TFEC: variants seen among roughly 807,000 people sequenced by gnomAD.
TFEC encodes the protein class E basic helix-loop-helix protein 34.
A neutral mutation model predicts 41.6 loss-of-function variants in TFEC; 31 were observed. That is an observed-to-expected ratio of 0.74 (90% confidence interval 0.56 to 1.01). The LOEUF is 1.01. TFEC is among the 50% of genes least tolerant of loss of function. TFEC has a pLI of 0.00. For missense variants in TFEC, 402 were observed against 404.1 expected (o/e 0.99, Z 0.04); for synonymous variants, 143 against 140.6 (o/e 1.02, Z -0.12).
At chr7:116,010,862 T>C (rs2130813162) in intron 1 of TFEC, among the ~76,000 whole-genome samples, 1 of 152,318 alleles carries the variant, frequency 6.6e-6, no homozygotes, top group South Asian at 2.1e-4. Flanking sequence ...TAATTATTAG[T>C]TTGCCCTATT....
intron 1 of TFEC, among the ~76,000 whole-genome samples, chr7:116,002,431 G>A (rs1794633396): frequency 6.6e-6 from 1 of 152,150 alleles, no homozygotes; most frequent in African/African-American, 2.4e-5. Context: ...GGCACAGAAA[G>A]ACAATCTTCA....
Position 115,940,663 on chromosome 7 carries a change from T to C in TFEC, c.932A>G (p.Asp311Gly), listed in dbSNP as rs752777947. The change falls in exon 8 of 8, where the codon GAC becomes GGC. Residue 311 changes from aspartate to glycine, a missense_variant. Asp to Gly is a moderately conservative substitution (Grantham distance 94). Coordinates refer to ENST00000265440, the MANE Select transcript of TFEC (RefSeq NM_012252.4). ...EQRLDGMLLD[D>G]TISPFGTDPL... ...ATCTGTTCCAAATGGAGAGATTGTG[T>C]CATCCAATAGCATGCCATCCAATCT... 6.2e-7 allele frequency: 1 copy of C among 1,613,610 alleles called. No individual in the cohort carries two copies.
rs537271225 is a variant in TFEC at position 115,960,140 on chromosome 7, C to T, written c.268-3347G>A. On this transcript the variant is annotated intron_variant, in intron 3 of 7. Coordinates refer to ENST00000265440, the MANE Select transcript of TFEC (RefSeq NM_012252.4). ...TATACAATAATAAAGAGAAAAAAAT[C>T]TAAAAGCCTAGAAAGAAAGATTGTG... 4.0e-4 allele frequency among the ~76,000 whole-genome samples: 60 copies of T among 151,042 alleles called. 1 individual carries two copies. The highest frequency in any genetic ancestry group is 8.4e-4 in the South Asian group (4 of 4,776).
At chr7:115,944,052 T>C (rs1043921879) in intron 6 of TFEC, among the ~76,000 whole-genome samples, 5 of 140,294 alleles carry the variant, frequency 3.6e-5, no homozygotes, top group Admixed American at 7.3e-5. Context: ...CTTCAACATT[T>C]TGTGACTCCT....
intron 2 of TFEC, among the ~76,000 whole-genome samples, chr7:115,978,171 A>C (rs1793469413): frequency 6.6e-6 from 1 of 152,146 alleles, no homozygotes; most frequent in African/African-American, 2.4e-5. Flanking sequence ...CTTAAAAGTA[A>C]ACAACAGAAA....
chr7:116,111,756 G>GT (rs923388829), intron 2 of TFEC, among the ~76,000 whole-genome samples: 3 of 151,950 alleles, frequency 2.0e-5, no homozygotes, highest in Non-Finnish European at 4.4e-5. Flanking sequence ...CCCATATTAG[G>GT]TAAGACATTA....
chr7:115,961,721 G>A (rs977334753), intron 3 of TFEC, among the ~76,000 whole-genome samples: 1 of 151,624 alleles, frequency 6.6e-6, no homozygotes, highest in African/African-American at 2.4e-5. Context: ...AGATTTAAAA[G>A]GTAAAAAGTT....
upstream of TFEC, among the ~76,000 whole-genome samples, chr7:116,034,929 A>G (rs1382979697): frequency 3.3e-5 from 5 of 151,776 alleles, no homozygotes; most frequent in African/African-American, 7.3e-5. Flanking sequence ...AAATTCCACC[A>G]TTCTCTTGTC....
chr7:116,077,377 G>A (rs1049196605), intron 3 of TFEC, among the ~76,000 whole-genome samples: 2 of 151,874 alleles, frequency 1.3e-5, no homozygotes, highest in African/African-American at 4.8e-5. Flanking sequence ...AATAAACCAG[G>A]TATTGAGGCA....
intron 1 of TFEC, among the ~76,000 whole-genome samples, chr7:116,023,301 T>G (rs554515463): frequency 2.2e-4 from 34 of 152,336 alleles, no homozygotes; most frequent in African/African-American, 7.7e-4. Context: ...ATAAGACTCA[T>G]GTATTCCAAA....
At chr7:116,154,281 ACT>A (rs1193947199) in intron 1 of TFEC, among the ~76,000 whole-genome samples, 5 of 152,172 alleles carry the variant, frequency 3.3e-5, no homozygotes, top group East Asian at 1.9e-4. Flanking sequence ...AGGCTCTGAA[ACT>A]CTGTCGATTT....
chr7:116,126,860 C>T (rs1798220969), intron 1 of TFEC, among the ~76,000 whole-genome samples: 1 of 152,042 alleles, frequency 6.6e-6, no homozygotes, highest in South Asian at 2.1e-4. Flanking sequence ...CCCCTGGGTA[C>T]ACAAAACAAC....
intron 3 of TFEC, among the ~76,000 whole-genome samples, chr7:116,037,649 T>C (rs1333405462): frequency 6.6e-6 from 1 of 152,012 alleles, no homozygotes; most frequent in African/African-American, 2.4e-5. Context: ...AAGACAAACA[T>C]TAAATGTCAA....
chr7:116,060,759 A>C (rs1796535678), intron 3 of TFEC, among the ~76,000 whole-genome samples: 1 of 152,134 alleles, frequency 6.6e-6, no homozygotes, highest in Non-Finnish European at 1.5e-5. Context: ...ACTATTGGGC[A>C]CTGGGCTTAA....
chr7:115,981,081 G>A (rs1021396895), intron 2 of TFEC, among the ~76,000 whole-genome samples: 1 of 151,906 alleles, frequency 6.6e-6, no homozygotes, highest in Non-Finnish European at 1.5e-5. Context: ...CACTACCTTG[G>A]AATCATGTTC....
At chr7:116,065,777 T>C (rs1309749424) in intron 3 of TFEC, among the ~76,000 whole-genome samples, 1 of 152,116 alleles carries the variant, frequency 6.6e-6, no homozygotes, top group African/African-American at 2.4e-5. Flanking sequence ...ATATAGACTT[T>C]TAATTACAGC....
At chr7:116,003,428 T>TA (rs57811642) in intron 1 of TFEC, among the ~76,000 whole-genome samples, 1 of 151,952 alleles carries the variant, frequency 6.6e-6, no homozygotes, top group Admixed American at 6.6e-5. Context: ...ATCAATATTC[T>TA]AAAAAACATA....
At chr7:116,122,621 C>T (rs1220037117) in intron 1 of TFEC, among the ~76,000 whole-genome samples, 2 of 152,006 alleles carry the variant, frequency 1.3e-5, no homozygotes, top group African/African-American at 4.8e-5. Flanking sequence ...AGTTATATTC[C>T]TTTTTATCTG....
chr7:116,110,730 CTT>C lies in TFEC; in HGVS notation c.174_175del (p.Gln60IlefsTer34). 6.6e-7 allele frequency: 1 copy of C among 1,521,186 alleles called. No homozygotes were observed. The highest frequency in any genetic ancestry group is 2.5e-5 in the East Asian group (1 of 39,268). The allele number at this position is 1,521,186 out of a possible 1,614,324, so 94.2% of individuals were successfully genotyped here. On this transcript the variant is annotated frameshift_variant, in exon 3 of 9. Coordinates refer to the TFEC transcript ENST00000484212. LOFTEE classifies it high-confidence loss of function. ...TACCCTGGTAAAGGATGGTAATTGA[CTT>C]GAATAAATTTGTGGTCTTGCTGGGA... is the stretch of plus-strand genomic sequence containing the variant.
Sources: gnomAD v4.1 joint callset for allele counts (sites outside exome capture counted in the v4.1 genomes callset) on GRCh38, gnomAD v4.1.1 for gene constraint, MANE v1.5 for transcripts, NCBI Gene and HGNC (gene_info 2026-07-23, HGNC 2026-07-21) for gene names.